WLS: variants seen among roughly 807,000 people sequenced by gnomAD.
The protein encoded by WLS is protein wntless homolog.
In WLS, 23 loss-of-function variants were observed where a neutral mutation model predicts 62.8. That is an observed-to-expected ratio of 0.37 (90% CI 0.26 to 0.52). The LOEUF is 0.52. Among genes scored for constraint, WLS ranks in the 20% least tolerant of loss-of-function variants. WLS has a pLI of 0.92. For missense variants in WLS, 615 were observed against 697.3 expected (o/e 0.88, Z 1.33); for synonymous variants, 246 against 244.1 (o/e 1.01, Z -0.07).
intron 2 of WLS, among the ~76,000 whole-genome samples, chr1:68,160,310 G>GT (rs899306645): frequency 9.3e-4 from 138 of 148,190 alleles, no homozygotes; most frequent in African/African-American, 3.2e-3. Context: ...GAGCAACTTT[G>GT]TTTTTTTTTA....
intron 2 of WLS, among the ~76,000 whole-genome samples, chr1:68,159,460 C>T (rs1000968053): frequency 1.1e-4 from 17 of 152,154 alleles, no homozygotes; most frequent in African/African-American, 4.1e-4. Context: ...CTGCCAGAGT[C>T]AAGAGCCTCC....
At chr1:68,226,841 A>G (rs1305149736) in intron 1 of WLS, among the ~76,000 whole-genome samples, 1 of 152,230 alleles carries the variant, frequency 6.6e-6, no homozygotes, top group Non-Finnish European at 1.5e-5. Context: ...AAATCTCCAT[A>G]GAAACACCTT....
Position 68,125,755 on chromosome 1 carries a change from G to A in WLS, c.*471C>T, listed in dbSNP as rs1367715359. On this transcript the variant is annotated 3_prime_UTR_variant, in exon 12 of 12. Transcript: ENST00000262348. ...TGGTGATATAAATAGGAAAAAAACA[G>A]TGGTCATGGATTAGGAGTGAGAAGA... 2.0e-6 allele frequency: 2 copies of A among 985,912 alleles called. No homozygotes were observed. Among genetic ancestry groups the A allele is most frequent in the East Asian group, 2.3e-4 (2 of 8,834 alleles). 61.1% of individuals were successfully genotyped at this position (985,912 alleles called of 1,614,324 possible). A position where few individuals can be genotyped will look rare whatever the true frequency, so the allele number is the denominator to read the frequency against.
chr1:68,155,290 G>T, intron 3 of WLS, 30 bp from the exon 4 acceptor site: 2 of 1,591,554 alleles, frequency 1.3e-6, no homozygotes, highest in Non-Finnish European at 1.7e-6. Context: ...TTTGAGGCAG[G>T]GTCACTATTT....
chr1:68,166,502 C>T (rs1218570718), intron 2 of WLS, among the ~76,000 whole-genome samples: 2 of 152,296 alleles, frequency 1.3e-5, no homozygotes, highest in Admixed American at 6.5e-5. Context: ...GTCTGGATCA[C>T]GTAAGGGCCC....
intron 2 of WLS, among the ~76,000 whole-genome samples, chr1:68,178,705 C>CAAAAAAA (rs376126398): frequency 3.5e-4 from 38 of 108,230 alleles, no homozygotes; most frequent in South Asian, 9.3e-4. Context: ...GACTACATTT[C>CAAAAAAA]AAAAAAAAAA....
At chr1:68,145,832 A>T (rs923269308) in intron 9 of WLS, 37 bp downstream of exon 9, 2 of 1,612,700 alleles carry the variant, frequency 1.2e-6, no homozygotes, top group Non-Finnish European at 1.7e-6. Context: ...AGATCAAGCA[A>T]GCACCAGTTC....
chr1:68,146,552 G>T (rs539230193), intron 8 of WLS, among the ~76,000 whole-genome samples: 2 of 152,138 alleles, frequency 1.3e-5, no homozygotes, highest in Non-Finnish European at 2.9e-5. Context: ...ATAAGAATGC[G>T]ATTGAGATAC....
At chr1:68,226,780 C>A (rs1215405013) in intron 1 of WLS, among the ~76,000 whole-genome samples, 2 of 152,132 alleles carry the variant, frequency 1.3e-5, no homozygotes, top group Non-Finnish European at 2.9e-5. Context: ...AGGCAAGTAG[C>A]ACACAGGAGT....
At chr1:68,134,499 C>G (rs1458622032) in intron 11 of WLS, among the ~76,000 whole-genome samples, 1 of 152,172 alleles carries the variant, frequency 6.6e-6, no homozygotes, top group Non-Finnish European at 1.5e-5. Context: ...AGTTTGCCCA[C>G]TAAATTGCCT....
intron 11 of WLS, among the ~76,000 whole-genome samples, chr1:68,101,989 T>A (rs1167461632): frequency 6.6e-6 from 1 of 152,206 alleles, no homozygotes; most frequent in Non-Finnish European, 1.5e-5. Flanking sequence ...GAACTATGTG[T>A]GTAGGTGGCA....
intron 11 of WLS, among the ~76,000 whole-genome samples, chr1:68,126,857 G>A (rs1438984014): frequency 6.6e-6 from 1 of 152,102 alleles, no homozygotes; most frequent in African/African-American, 2.4e-5. Flanking sequence ...CCTCCCAACG[G>A]ATGGGTCAGT....
At chr1:68,105,696 T>G (rs911621584) in intron 11 of WLS, among the ~76,000 whole-genome samples, 1 of 152,264 alleles carries the variant, frequency 6.6e-6, no homozygotes, top group South Asian at 2.1e-4. Context: ...GATGTATTTC[T>G]TGGAAGGTGA....
chr1:68,217,767 T>G (rs936929980), intron 1 of WLS, among the ~76,000 whole-genome samples: 2 of 152,164 alleles, frequency 1.3e-5, no homozygotes, highest in Non-Finnish European at 2.9e-5. Context: ...GTGGGGCCCC[T>G]CTTATTTATC....
rs1553139409 is a variant in WLS, at chr1:68,231,870, G to GGC, written c.106+323_106+324insGC. ...CGCGGGAAAAAGCGGGGGGGGGGGG[G>GGC]GGCGAGCAATCAACTTTGTAACCCA... On this transcript the variant is annotated intron_variant, in intron 1 of 11. Coordinates refer to ENST00000262348, the MANE Select transcript of WLS (RefSeq NM_024911.7). 3.2e-4 allele frequency: 74 copies of GGC among 233,060 alleles called. 1 individual carries two copies. The highest frequency in any genetic ancestry group is 7.5e-4 in the South Asian group (25 of 33,426). The allele number at this position is 233,060 out of a possible 1,614,324, so 14.4% of individuals were successfully genotyped here.
intron 10 of WLS, 146 bp downstream of exon 10, chr1:68,144,423 T>A: frequency 2.9e-6 from 2 of 683,600 alleles, no homozygotes; most frequent in Non-Finnish European, 2.3e-6. Context: ...CCAGGTGATA[T>A]CAAGACCCAG....
At chr1:68,107,088 TTGG>T (rs1212327644) in intron 11 of WLS, among the ~76,000 whole-genome samples, 1 of 152,206 alleles carries the variant, frequency 6.6e-6, no homozygotes, top group Non-Finnish European at 1.5e-5. Flanking sequence ...AATTAATATG[TTGG>T]TATCGATTAA....
At chr1:68,147,910 G>A (rs1334908647) in intron 8 of WLS, among the ~76,000 whole-genome samples, 1 of 152,224 alleles carries the variant, frequency 6.6e-6, no homozygotes, top group Non-Finnish European at 1.5e-5. Context: ...TCCCTCTGCT[G>A]TGAGGATAGG....
At chr1:68,121,662 G>A (rs552492992), downstream of WLS, among the ~76,000 whole-genome samples, 1 of 152,302 alleles carries the variant, frequency 6.6e-6, no homozygotes, top group Admixed American at 6.5e-5. Context: ...AGAAGACAAA[G>A]TACAGGCTCA....
Sources: gnomAD v4.1 joint callset for allele counts (sites outside exome capture counted in the v4.1 genomes callset) on GRCh38, gnomAD v4.1.1 for gene constraint, MANE v1.5 for transcripts, NCBI Gene and HGNC (gene_info 2026-07-23, HGNC 2026-07-21) for gene names.